Variants in EVA1A observed in about 807,000 individuals in gnomAD.
EVA1A encodes eva-1 homolog A, regulator of programmed cell death, also known as protein eva-1 homolog A.
A neutral mutation model predicts 9.8 loss-of-function variants in EVA1A; 7 were observed. The observed-to-expected ratio is 0.71, with a 90% CI of 0.41 to 1.34. EVA1A has a LOEUF of 1.34. Ranked by LOEUF, EVA1A falls within the 40% of genes most tolerant of loss-of-function variation. EVA1A has a pLI of 0.01. For synonymous variants in EVA1A, 90 were observed against 85.6 expected (o/e 1.05, Z -0.28); for missense variants, 206 against 205.9 (o/e 1.00, Z 0.00).
chr2:75,503,280 G>A (rs1674494346), intron 3 of EVA1A, among the ~76,000 whole-genome samples: 1 of 152,136 alleles, frequency 6.6e-6, no homozygotes, highest in Non-Finnish European at 1.5e-5. Context: ...TCTGCTCCAG[G>A]TCACTTCCTC....
chr2:75,528,324 G>C (rs1675524838), intron 1 of EVA1A, among the ~76,000 whole-genome samples: 1 of 152,182 alleles, frequency 6.6e-6, no homozygotes, highest in South Asian at 2.1e-4. Context: ...GTCAGGGAGG[G>C]GTGAGGCCTG....
intron 3 of EVA1A, among the ~76,000 whole-genome samples, chr2:75,509,349 T>C (rs768886217): frequency 4.6e-5 from 7 of 152,216 alleles, no homozygotes; most frequent in Admixed American, 1.3e-4. Flanking sequence ...CTTGAAAAGA[T>C]ACCCGCTACT....
At chr2:75,563,522 A>C (rs1572999159), upstream of EVA1A, among the ~76,000 whole-genome samples, 1 of 152,358 alleles carries the variant, frequency 6.6e-6, no homozygotes, top group African/African-American at 2.4e-5. Context: ...TGAGAGCCTC[A>C]TAGATACCGA....
chr2:75,518,669 C>T, intron 2 of EVA1A: 1 of 987,800 alleles, frequency 1.0e-6, no homozygotes, highest in Non-Finnish European at 1.2e-6. Context: ...TTTGATTCTC[C>T]CTGGTTCACC....
upstream of EVA1A, among the ~76,000 whole-genome samples, chr2:75,563,577 A>C (rs1235811731): frequency 1.3e-5 from 2 of 152,224 alleles, no homozygotes; most frequent in Admixed American, 1.3e-4. Flanking sequence ...TAATCAACAC[A>C]GCATCTTGAT....
chr2:75,502,334 C>G (rs182014409), intron 3 of EVA1A, among the ~76,000 whole-genome samples: 34 of 152,290 alleles, frequency 2.2e-4, no homozygotes, highest in Admixed American at 2.0e-3. Context: ...ATGAAGGTTT[C>G]TAACATAATA....
At chr2:75,532,925 T>C (rs756439201) in intron 1 of EVA1A, among the ~76,000 whole-genome samples, 1 of 152,056 alleles carries the variant, frequency 6.6e-6, no homozygotes, top group Non-Finnish European at 1.5e-5. Flanking sequence ...GGCAGGTTAC[T>C]TGAGCTCAGG....
chr2:75,560,530 C>T (rs1002312948), intron 1 of EVA1A, 150 bp downstream of exon 1: 1 of 152,300 alleles, frequency 6.6e-6, no homozygotes, highest in Admixed American at 6.5e-5. Flanking sequence ...CAGCCTACAA[C>T]ACCTGGGCAG....
At chr2:75,547,311 T>A (rs1490800603) in intron 1 of EVA1A, among the ~76,000 whole-genome samples, 3 of 152,200 alleles carry the variant, frequency 2.0e-5, no homozygotes, top group African/African-American at 7.2e-5. Context: ...ATCTCAGGAA[T>A]GGTACAGGCT....
At chr2:75,497,850 CAAAAAAAAAAAA>C (rs33933086) in intron 3 of EVA1A, among the ~76,000 whole-genome samples, 1 of 66,854 alleles carries the variant, frequency 1.5e-5, no homozygotes, top group Non-Finnish European at 2.6e-5. Flanking sequence ...GATCCTGTCT[CAAAAAAAAAAAA>C]AAAAAAAAAA....
chr2:75,569,703 T>G (rs577310044), exon 1 of EVA1A: 2 of 152,384 alleles, frequency 1.3e-5, no homozygotes, highest in African/African-American at 2.4e-5. Flanking sequence ...CTTTTTGCAG[T>G]TTCACAAACA....
At chr2:75,517,744 C>G in intron 3 of EVA1A, 2 of 714,222 alleles carry the variant, frequency 2.8e-6, no homozygotes, top group Non-Finnish European at 2.6e-6. Flanking sequence ...CCATCAGCCC[C>G]CTCCTTGGTC....
At chr2:75,535,792 G>A (rs1344126970) in intron 1 of EVA1A, among the ~76,000 whole-genome samples, 4 of 152,144 alleles carry the variant, frequency 2.6e-5, no homozygotes, top group Non-Finnish European at 5.9e-5. Context: ...GGGAAGGGTA[G>A]AGGGAGTGAG....
At position 75,493,121 on chromosome 2, in the gene EVA1A, T is replaced by A; in HGVS notation, c.*115A>T. ...GGCTAGAAAAGGGGCATGTCCTGCT[T>A]TTTCTCTGAAATCACAATATTAGCA... is the stretch of plus-strand genomic sequence containing the variant. On this transcript the variant is annotated 3_prime_UTR_variant, in exon 4 of 4. Coordinates refer to ENST00000393913, the MANE Select transcript of EVA1A (RefSeq NM_001135032.2). 2 of 1,442,232 alleles carry A rather than the reference T, an allele frequency of 1.4e-6. No homozygotes were observed. The highest frequency in any genetic ancestry group is 2.8e-5 in the South Asian group (2 of 72,274). 89.3% of individuals were successfully genotyped at this position (1,442,232 alleles called of 1,614,324 possible). A position where few individuals can be genotyped will look rare whatever the true frequency, so the allele number is the denominator to read the frequency against.
At chr2:75,565,860 T>C (rs1257055670), upstream of EVA1A, among the ~76,000 whole-genome samples, 5 of 152,244 alleles carry the variant, frequency 3.3e-5, no homozygotes, top group Admixed American at 3.3e-4. Flanking sequence ...TTTTTTTTCA[T>C]GCTTTGCCCT....
At chr2:75,526,682 C>T (rs755083237) in intron 1 of EVA1A, among the ~76,000 whole-genome samples, 4 of 152,268 alleles carry the variant, frequency 2.6e-5, no homozygotes, top group South Asian at 2.1e-4. Context: ...CTAAAGTACA[C>T]GACACATCTT....
At chr2:75,551,056 G>A (rs2422174) in intron 1 of EVA1A, among the ~76,000 whole-genome samples, 77,063 of 152,072 alleles carry the variant, frequency 0.51, 22,177 homozygotes, top group Non-Finnish European at 0.63. Context: ...CCAGGAGGCA[G>A]AGGTTGCAGT....
intron 3 of EVA1A, among the ~76,000 whole-genome samples, chr2:75,513,625 A>G (rs908534027): frequency 3.9e-5 from 6 of 152,244 alleles, no homozygotes; most frequent in Non-Finnish European, 8.8e-5. Context: ...CAAGAAATGC[A>G]GACAACCAAA....
intron 3 of EVA1A, among the ~76,000 whole-genome samples, chr2:75,507,156 G>A (rs1047409156): frequency 3.3e-5 from 5 of 152,200 alleles, no homozygotes; most frequent in East Asian, 1.9e-4. Flanking sequence ...GATAACTGAC[G>A]TGTGGAGGTG....
Sources: gnomAD v4.1 joint callset for allele counts (sites outside exome capture counted in the v4.1 genomes callset) on GRCh38, gnomAD v4.1.1 for gene constraint, MANE v1.5 for transcripts, NCBI Gene and HGNC (gene_info 2026-07-23, HGNC 2026-07-21) for gene names.